RAD18: variants seen among roughly 807,000 people sequenced by gnomAD.
The protein encoded by RAD18 is E3 ubiquitin-protein ligase RAD18.
In RAD18, 47 loss-of-function variants were observed where a neutral mutation model predicts 60.4. The observed-to-expected ratio is 0.78, with a 90% CI of 0.62 to 0.99. RAD18 has a LOEUF of 0.99. RAD18 is among the 50% of genes least tolerant of loss of function. RAD18 has a pLI of 0.00. For missense variants in RAD18, 640 were observed against 593.3 expected (o/e 1.08, Z -0.82); for synonymous variants, 225 against 195.5 (o/e 1.15, Z -1.26).
intron 12 of RAD18, among the ~76,000 whole-genome samples, chr3:8,888,495 C>CA (rs951405280): frequency 2.0e-5 from 3 of 152,230 alleles, no homozygotes; most frequent in South Asian, 2.1e-4. Flanking sequence ...TGTGGTACTA[C>CA]AAAAAAATGC....
chr3:8,881,516 T>G, intron 12 of RAD18, 57 bp from the exon 13 acceptor site: 1 of 1,389,148 alleles, frequency 7.2e-7, no homozygotes, highest in Non-Finnish European at 1.0e-6. Flanking sequence ...GTACAGCAGT[T>G]TCTAGTTTAC....
chr3:8,893,637 A>G (rs974846831), intron 11 of RAD18, among the ~76,000 whole-genome samples: 1 of 151,934 alleles, frequency 6.6e-6, no homozygotes, highest in Non-Finnish European at 1.5e-5. Flanking sequence ...TCATGTTCTG[A>G]GCAACTACCT....
intron 7 of RAD18, among the ~76,000 whole-genome samples, chr3:8,930,217 A>C (rs141285978): frequency 6.6e-6 from 1 of 152,356 alleles, no homozygotes; most frequent in East Asian, 1.9e-4. Flanking sequence ...ATATTCATAC[A>C]ATGGAATATT....
chr3:8,906,742 C>T (rs145125515), intron 9 of RAD18, among the ~76,000 whole-genome samples: 4 of 149,528 alleles, frequency 2.7e-5, no homozygotes, highest in Non-Finnish European at 5.9e-5. Context: ...CTCTGTTATT[C>T]CATCTGGGCT....
rs965707100 is a variant in RAD18 at position 8,882,926 on chromosome 3, G to A, written c.1386-1467C>T. 2.6e-5 allele frequency among the ~76,000 whole-genome samples: 4 copies of A among 152,180 alleles called. No homozygotes were observed. In the South Asian group the frequency reaches 6.2e-4, roughly 24 times the overall value. Reference sequence around the variant, plus strand: ...ACCTCAGTCCCTATGGTCCTTCACTGCATGGCCCGCATTCAAAAAGTATGA... The same window carrying A: ...ACCTCAGTCCCTATGGTCCTTCACTACATGGCCCGCATTCAAAAAGTATGA... On this transcript the variant is annotated intron_variant, in intron 12 of 12. Transcript: ENST00000264926.
intron 7 of RAD18, among the ~76,000 whole-genome samples, chr3:8,933,541 G>A (rs1940596611): frequency 6.6e-6 from 1 of 152,156 alleles, no homozygotes; most frequent in African/African-American, 2.4e-5. Flanking sequence ...AGAAAAACCA[G>A]TTGTATTTTT....
chr3:8,916,424 A>C (rs541324615), intron 7 of RAD18, among the ~76,000 whole-genome samples: 2 of 152,374 alleles, frequency 1.3e-5, no homozygotes, highest in African/African-American at 4.8e-5. Context: ...ACCCTCTCTG[A>C]GGCACAGGCT....
intron 4 of RAD18, 56 bp downstream of exon 4, chr3:8,947,164 A>T: frequency 7.6e-7 from 1 of 1,313,588 alleles, no homozygotes; most frequent in Non-Finnish European, 1.1e-6. Flanking sequence ...AAGTAAAGAG[A>T]GAACACATAT....
At chr3:8,898,381 CGT>C (rs59853617) in intron 11 of RAD18, among the ~76,000 whole-genome samples, 7,315 of 148,370 alleles carry the variant, frequency 0.049, 326 homozygotes, top group African/African-American at 0.12. Context: ...TGTGTGCATG[CGT>C]GTGTGTGTGT....
chr3:8,881,455 C>G lies in RAD18; in HGVS notation c.1390G>C (p.Asp464His), dbSNP rs774383366. ...EEAWEASHKN[D>H]LQDTEISPRQ... is the part of the protein sequence containing the mutation. ...GGACTTATTTCTGTGTCTTGAAGAT[C>G]GTTTCTGAAGACAGAAAAAGGAAAT... The change falls in exon 13 of 13, where the codon GAT becomes CAT. Residue 464 changes from aspartate to histidine, a missense_variant. Coordinates refer to ENST00000264926, the MANE Select transcript of RAD18 (RefSeq NM_020165.4). The G allele has an allele frequency of 1.2e-6, 2 of 1,602,216 alleles. No homozygotes were observed. Among genetic ancestry groups the G allele is most frequent in the South Asian group, 1.1e-5 (1 of 90,516 alleles).
chr3:8,890,381 G>C lies in RAD18; in HGVS notation c.1385+8C>G. On this transcript the variant is annotated splice_region_variant and intron_variant, in intron 12 of 12. Coordinates refer to ENST00000264926, the MANE Select transcript of RAD18 (RefSeq NM_020165.4). Reference sequence around the variant, plus strand: ...GTGCATGCTTATTTCATGATTATGAGAACTCACTTATGTGATGCTTCCCAG... The same window carrying C: ...GTGCATGCTTATTTCATGATTATGACAACTCACTTATGTGATGCTTCCCAG... The C allele has an allele frequency of 1.3e-6, 2 of 1,564,240 alleles. No individual in the cohort carries two copies. Among genetic ancestry groups the C allele is most frequent in the Non-Finnish European group, 1.8e-6 (2 of 1,135,074 alleles).
chr3:8,954,240 T>C (rs1940972709), intron 2 of RAD18, among the ~76,000 whole-genome samples: 1 of 152,242 alleles, frequency 6.6e-6, no homozygotes, highest in Non-Finnish European at 1.5e-5. Flanking sequence ...ACACTGGTTT[T>C]TGCTTTTAAC....
At chr3:8,908,103 C>G (rs1324430887) in intron 9 of RAD18, among the ~76,000 whole-genome samples, 1 of 152,080 alleles carries the variant, frequency 6.6e-6, no homozygotes, top group African/African-American at 2.4e-5. Flanking sequence ...TTTCCAAGAC[C>G]CTGCCACCTC....
intron 2 of RAD18, among the ~76,000 whole-genome samples, chr3:8,949,583 C>G (rs979289424): frequency 6.6e-6 from 1 of 152,140 alleles, no homozygotes; most frequent in African/African-American, 2.4e-5. Flanking sequence ...AAGTAAAAAG[C>G]TGAACAAACT....
At chr3:8,958,773 A>T in intron 2 of RAD18, 147 bp downstream of exon 2, 1 of 597,028 alleles carries the variant, frequency 1.7e-6, no homozygotes. Context: ...TTCAAGAGGA[A>T]GGCAGTGAAA....
chr3:8,925,273 C>G (rs1248516011), intron 7 of RAD18, among the ~76,000 whole-genome samples: 1 of 152,158 alleles, frequency 6.6e-6, no homozygotes, highest in Non-Finnish European at 1.5e-5. Context: ...TCAGAGAATA[C>G]TATAAACACC....
chr3:8,923,709 T>G, intron 7 of RAD18, among the ~76,000 whole-genome samples: 1 of 152,174 alleles, frequency 6.6e-6, no homozygotes, highest in Non-Finnish European at 1.5e-5. Context: ...GACTAACAGC[T>G]GATCTCCTGG....
At chr3:8,883,084 A>G (rs1282808140) in intron 12 of RAD18, among the ~76,000 whole-genome samples, 1 of 152,258 alleles carries the variant, frequency 6.6e-6, no homozygotes, top group Non-Finnish European at 1.5e-5. Context: ...ATTAAGATAC[A>G]AAGAGAAAAA....
intron 7 of RAD18, among the ~76,000 whole-genome samples, chr3:8,930,102 C>T (rs1940525255): frequency 6.6e-6 from 1 of 151,954 alleles, no homozygotes. Flanking sequence ...AAACATATGT[C>T]GACATAAAAA....
Sources: gnomAD v4.1 joint callset for allele counts (sites outside exome capture counted in the v4.1 genomes callset) on GRCh38, gnomAD v4.1.1 for gene constraint, MANE v1.5 for transcripts, NCBI Gene and HGNC (gene_info 2026-07-23, HGNC 2026-07-21) for gene names.